Variants in CYP2C19 observed in about 807,000 individuals in gnomAD.
The protein encoded by CYP2C19 is cytochrome P450 2C19.
Under a neutral mutation model 40.9 loss-of-function variants are expected in CYP2C19, and 59 were observed. The observed-to-expected ratio is 1.44, with a 90% CI of 1.17 to 1.79. The LOEUF (loss-of-function observed/expected upper bound fraction) is 1.79, where lower values mean the gene tolerates loss of function less well. Ranked by LOEUF, CYP2C19 falls within the 40% of genes most tolerant of loss-of-function variation. CYP2C19 has a pLI of 0.00. For synonymous variants in CYP2C19, 253 were observed against 208.7 expected, an observed-to-expected ratio of 1.21 and a Z score of -1.83; for missense variants, 754 against 596.9, an observed-to-expected ratio of 1.26 and a Z score of -2.74.
chr10:94,850,998 C>T (rs563264959), intron 8 of CYP2C19, among the ~76,000 whole-genome samples: 1 of 152,248 alleles, frequency 6.6e-6, no homozygotes, highest in African/African-American at 2.4e-5. Context: ...ATATGTGGCA[C>T]TGTAGATACC....
intron 5 of CYP2C19, among the ~76,000 whole-genome samples, chr10:94,801,787 A>G (rs1390031835): frequency 3.3e-5 from 5 of 152,192 alleles, no homozygotes; most frequent in African/African-American, 9.7e-5. Context: ...TATTGGGTGC[A>G]TATAATTTAG....
chr10:94,853,148 A>C lies in CYP2C19; in HGVS notation c.*234A>C. The stretch of plus-strand genomic sequence containing the variant: ...TGCCACATAATGCTGATACTTGTCT[A>C]ATGTTGAGTTATTAACATATTATTA... On this transcript the variant is annotated 3_prime_UTR_variant, in exon 9 of 9. Coordinates refer to ENST00000371321, the MANE Select transcript of CYP2C19 (RefSeq NM_000769.4). 1.9e-6 allele frequency: 1 copy of C among 531,832 alleles called. No homozygotes were observed. The highest frequency in any genetic ancestry group is 3.3e-6 in the Non-Finnish European group (1 of 303,240). 32.9% of individuals were successfully genotyped at this position (531,832 alleles called of 1,614,324 possible). A position where few individuals can be genotyped will look rare whatever the true frequency, so the allele number is the denominator to read the frequency against.
At chr10:94,812,145 G>C (rs560743297) in intron 5 of CYP2C19, among the ~76,000 whole-genome samples, 1 of 152,256 alleles carries the variant, frequency 6.6e-6, no homozygotes, top group Non-Finnish European at 1.5e-5. Context: ...GCTTAATTTA[G>C]CTGGATATGA....
chr10:94,778,422 A>G (rs558319393), intron 3 of CYP2C19, among the ~76,000 whole-genome samples: 1 of 152,210 alleles, frequency 6.6e-6, no homozygotes, highest in South Asian at 2.1e-4. Context: ...ACTCTGATGG[A>G]TCTCCTACAA....
At chr10:94,847,249 C>G (rs1378046706) in intron 7 of CYP2C19, among the ~76,000 whole-genome samples, 1 of 151,952 alleles carries the variant, frequency 6.6e-6, no homozygotes, top group Non-Finnish European at 1.5e-5. Context: ...CAAAACAGTC[C>G]CTGGTGTGTG....
chr10:94,813,340 C>A (rs2134261845), intron 5 of CYP2C19, among the ~76,000 whole-genome samples: 1 of 152,014 alleles, frequency 6.6e-6, no homozygotes, highest in South Asian at 2.1e-4. Context: ...TCTTTAGAGC[C>A]AGCAGGCAGG....
intron 5 of CYP2C19, among the ~76,000 whole-genome samples, chr10:94,809,808 A>C (rs907031714): frequency 6.6e-6 from 1 of 152,178 alleles, no homozygotes; most frequent in African/African-American, 2.4e-5. Context: ...CCTTTTCTGC[A>C]TCTATTCAGA....
chr10:94,838,725 T>C (rs1025495702), intron 6 of CYP2C19, among the ~76,000 whole-genome samples: 1 of 152,128 alleles, frequency 6.6e-6, no homozygotes, highest in Non-Finnish European at 1.5e-5. Flanking sequence ...GGGCTTCCTG[T>C]AGGGCATAAA....
chr10:94,786,378 T>C (rs1848541183), intron 5 of CYP2C19, among the ~76,000 whole-genome samples: 1 of 151,872 alleles, frequency 6.6e-6, no homozygotes, highest in Admixed American at 6.6e-5. Flanking sequence ...CATTGAAGAG[T>C]TTTCAATTTA....
chr10:94,765,045 T>TGA (rs1848221604), intron 1 of CYP2C19, among the ~76,000 whole-genome samples: 1 of 152,092 alleles, frequency 6.6e-6, no homozygotes, highest in African/African-American at 2.4e-5. Flanking sequence ...TAGTCCTCAG[T>TGA]GGTTTTGGAG....
chr10:94,850,043 A>G lies in CYP2C19; in HGVS notation c.1276A>G (p.Met426Val). 6.2e-7 allele frequency: 1 copy of G among 1,613,548 alleles called. No individual in the cohort carries two copies. Among genetic ancestry groups the G allele is most frequent in the Non-Finnish European group, 8.5e-7 (1 of 1,179,624 alleles). Residue 426 changes from methionine to valine, a missense_variant, in exon 8 of 9, where the codon ATG (methionine) becomes GTG (valine). Physicochemically the swap from Met to Val is conservative, Grantham distance 21. Coordinates refer to ENST00000371321, the MANE Select transcript of CYP2C19 (RefSeq NM_000769.4). ...AAATTTTAAGAAAAGTAACTACTTC[A>G]TGCCTTTCTCAGCAGGTAATATAAA... ...GGNFKKSNYF[M>V]PFSAGKRICV... is the part of the protein sequence containing the mutation.
chr10:94,784,015 G>A (rs1248871780), intron 5 of CYP2C19, among the ~76,000 whole-genome samples: 1 of 152,056 alleles, frequency 6.6e-6, no homozygotes. Context: ...GTTTCAAAAT[G>A]TTTTTATCAC....
At chr10:94,828,349 G>A (rs1849266063) in intron 6 of CYP2C19, among the ~76,000 whole-genome samples, 2 of 151,698 alleles carry the variant, frequency 1.3e-5, no homozygotes, top group Non-Finnish European at 2.9e-5. Flanking sequence ...TGGTGCTCCT[G>A]TATTGGGTGC....
At chr10:94,763,612 A>T (rs1192847952) in intron 1 of CYP2C19, among the ~76,000 whole-genome samples, 1 of 152,072 alleles carries the variant, frequency 6.6e-6, no homozygotes, top group East Asian at 1.9e-4. Flanking sequence ...TAAGCCTTAT[A>T]AGCATGATGG....
chr10:94,834,980 G>C (rs1294249514), intron 6 of CYP2C19, among the ~76,000 whole-genome samples: 1 of 152,176 alleles, frequency 6.6e-6, no homozygotes, highest in Non-Finnish European at 1.5e-5. Flanking sequence ...TTGGGGTGTA[G>C]TAGGGGTGGT....
At chr10:94,776,557 C>T (rs948970560) in intron 3 of CYP2C19, 1 of 152,156 alleles carries the variant, frequency 6.6e-6, no homozygotes, top group Admixed American at 6.5e-5. Context: ...TGTTCAATGC[C>T]TTGCTATTCA....
At chr10:94,849,789 G>T (rs1849624539) in intron 7 of CYP2C19, 128 bp from the exon 8 acceptor site, 2 of 1,151,050 alleles carry the variant, frequency 1.7e-6, no homozygotes, top group Non-Finnish European at 2.6e-6. Flanking sequence ...TCTGGAAATG[G>T]TACTGCTCTT....
intron 5 of CYP2C19, among the ~76,000 whole-genome samples, chr10:94,816,014 T>C (rs756752892): frequency 1.7e-4 from 26 of 152,186 alleles, no homozygotes; most frequent in Admixed American, 4.6e-4. Context: ...ACAGAAAATG[T>C]CTTTATGTCT....
At chr10:94,825,868 C>CCACA (rs1849210950) in intron 6 of CYP2C19, among the ~76,000 whole-genome samples, 1 of 150,994 alleles carries the variant, frequency 6.6e-6, no homozygotes, top group African/African-American at 2.4e-5. Flanking sequence ...TTTCAGCTTT[C>CCACA]TACATATGGC....
Sources: allele counts gnomAD v4.1 joint callset (sites outside exome capture counted in the v4.1 genomes callset), GRCh38; gene constraint gnomAD v4.1.1; transcripts MANE v1.5; gene names NCBI Gene and HGNC (gene_info 2026-07-23, HGNC 2026-07-21).